LITAF: variants seen among roughly 807,000 people sequenced by gnomAD.
LITAF encodes lipopolysaccharide induced TNF factor.
LITAF carries 9 observed loss-of-function variants against 14.5 expected under a neutral mutation model. The observed-to-expected ratio is 0.62, with a 90% CI of 0.37 to 1.08. The LOEUF (loss-of-function observed/expected upper bound fraction) is 1.08, where lower values mean the gene tolerates loss of function less well. Ranked by LOEUF, LITAF falls within the 50% of genes least tolerant of loss-of-function variation. LITAF has a pLI of 0.01. For missense variants in LITAF, 206 were observed against 213.4 expected, an observed-to-expected ratio of 0.97 and a Z score of 0.22; for synonymous variants, 98 against 88.2, an observed-to-expected ratio of 1.11 and a Z score of -0.62.
intron 3 of LITAF, among the ~76,000 whole-genome samples, chr16:11,608,958 C>CA (rs974742837): frequency 5.3e-4 from 62 of 117,612 alleles, no homozygotes; most frequent in East Asian, 5.4e-4. Flanking sequence ...CACACACACA[C>CA]AAAAAAAACA....
intron 1 of LITAF, among the ~76,000 whole-genome samples, chr16:11,573,710 T>A (rs1354697738): frequency 2.0e-5 from 3 of 149,950 alleles, no homozygotes; most frequent in Non-Finnish European, 4.5e-5. Context: ...CCTTTTTTTT[T>A]TTTTTTTTTT....
In LITAF at chr16:11,547,788, G is replaced by A. The variant is rs1436156598; in HGVS notation, c.*1849C>T. 2.2e-6 allele frequency: 1 copy of A among 453,996 alleles called. No homozygotes were observed. Among genetic ancestry groups the A allele is most frequent in the Non-Finnish European group, 4.4e-6 (1 of 226,806 alleles). The allele number at this position is 453,996 out of a possible 1,614,324, so 28.1% of individuals were successfully genotyped here. A position where few individuals can be genotyped will look rare whatever the true frequency, so the allele number is the denominator to read the frequency against. The stretch of plus-strand genomic sequence containing the variant: ...TGCCGCCATCAATGACGCCTATTGG[G>A]TTCCAATAGCCTCATGTTCAAATCT... On this transcript the variant is annotated 3_prime_UTR_variant, in exon 4 of 4. Coordinates refer to ENST00000622633, the MANE Select transcript of LITAF (RefSeq NM_001136472.2).
At chr16:11,603,126 T>C (rs925609102), upstream of LITAF, among the ~76,000 whole-genome samples, 1 of 151,982 alleles carries the variant, frequency 6.6e-6, no homozygotes, top group Non-Finnish European at 1.5e-5. Flanking sequence ...CATTTAAAAA[T>C]AAAAGGAAGA....
chr16:11,624,096 G>A (rs1253064604), intron 3 of LITAF, among the ~76,000 whole-genome samples: 1 of 152,130 alleles, frequency 6.6e-6, no homozygotes, highest in Non-Finnish European at 1.5e-5. Context: ...ACCAGCCTGG[G>A]CAACATAGTA....
upstream of LITAF, chr16:11,636,423 G>A (rs2065138614): frequency 6.6e-6 from 1 of 152,274 alleles, no homozygotes; most frequent in Non-Finnish European, 1.5e-5. Context: ...AGCTTGAGAA[G>A]GCGGAGTCTG....
upstream of LITAF, among the ~76,000 whole-genome samples, chr16:11,637,913 T>A (rs1471741144): frequency 9.2e-3 from 391 of 42,374 alleles, 79 homozygotes; most frequent in African/African-American, 0.045. Context: ...TATATATATA[T>A]CTATATCTAT....
At chr16:11,596,848 G>A (rs1197410542) in intron 1 of LITAF, among the ~76,000 whole-genome samples, 1 of 151,604 alleles carries the variant, frequency 6.6e-6, no homozygotes, top group Non-Finnish European at 1.5e-5. Flanking sequence ...TGGGGAGGAG[G>A]AAGACAGTGA....
chr16:11,581,286 G>C (rs935361063), intron 1 of LITAF, among the ~76,000 whole-genome samples: 10 of 152,184 alleles, frequency 6.6e-5, no homozygotes, highest in Non-Finnish European at 8.8e-5. Flanking sequence ...CCAAGAGTAA[G>C]AAAAACTATA....
At chr16:11,576,554 A>AAAAAAAGAC (rs1555469756) in intron 1 of LITAF, among the ~76,000 whole-genome samples, 10,003 of 115,720 alleles carry the variant, frequency 0.086, 787 homozygotes, top group South Asian at 0.13. Context: ...AAAAAAAAAA[A>AAAAAAAGAC]AGAGAGAGAG....
At chr16:11,560,554 G>C (rs1478597206) in intron 1 of LITAF, among the ~76,000 whole-genome samples, 1 of 150,216 alleles carries the variant, frequency 6.7e-6, no homozygotes, top group Non-Finnish European at 1.5e-5. Flanking sequence ...CTGCACTCCA[G>C]CCTGGGCCAC....
chr16:11,585,353 G>A (rs1293605670), intron 1 of LITAF, among the ~76,000 whole-genome samples: 1 of 152,048 alleles, frequency 6.6e-6, no homozygotes, highest in Non-Finnish European at 1.5e-5. Flanking sequence ...AATTATTCAT[G>A]CCTTAAAGTA....
At chr16:11,603,666 C>G (rs553461955) in intron 3 of LITAF, among the ~76,000 whole-genome samples, 2 of 152,192 alleles carry the variant, frequency 1.3e-5, no homozygotes, top group East Asian at 3.8e-4. Flanking sequence ...CATCCCAACC[C>G]GGCCACCTCA....
At chr16:11,556,995 T>C (rs2064280569) in intron 1 of LITAF, among the ~76,000 whole-genome samples, 1 of 151,988 alleles carries the variant, frequency 6.6e-6, no homozygotes, top group South Asian at 2.1e-4. Context: ...GGTCATTTCT[T>C]CTTCACATCT....
upstream of LITAF, among the ~76,000 whole-genome samples, chr16:11,637,443 C>T (rs1382622306): frequency 6.6e-6 from 1 of 152,240 alleles, no homozygotes; most frequent in Non-Finnish European, 1.5e-5. Context: ...TCTTCTTCTG[C>T]TTACATCAGC....
intron 1 of LITAF, 47 bp from the exon 2 acceptor site, chr16:11,556,782 T>C: frequency 6.8e-7 from 1 of 1,475,246 alleles, no homozygotes; most frequent in South Asian, 1.1e-5. Context: ...AGTTGATCTC[T>C]CCCTCTCTTT....
intron 3 of LITAF, among the ~76,000 whole-genome samples, chr16:11,610,810 A>G (rs373948162): frequency 5.3e-5 from 8 of 152,286 alleles, no homozygotes; most frequent in African/African-American, 1.9e-4. Flanking sequence ...ATGTACCAGA[A>G]GGGGGACCAG....
chr16:11,630,794 C>T (rs2065113986), intron 3 of LITAF, among the ~76,000 whole-genome samples: 1 of 151,876 alleles, frequency 6.6e-6, no homozygotes. Flanking sequence ...GGTGGTCTCA[C>T]TATGTTGGCC....
At chr16:11,589,579 A>T (rs1384164096), upstream of LITAF, among the ~76,000 whole-genome samples, 1 of 152,110 alleles carries the variant, frequency 6.6e-6, no homozygotes, top group Admixed American at 6.6e-5. Context: ...CCAGTTCAGC[A>T]AAGTTGTGGG....
intron 3 of LITAF, among the ~76,000 whole-genome samples, chr16:11,552,900 G>A (rs1355186502): frequency 6.6e-6 from 1 of 152,070 alleles, no homozygotes; most frequent in Admixed American, 6.6e-5. Context: ...GACCACCTGA[G>A]GTCAGGAGTT....
Sources: gnomAD v4.1 joint callset for allele counts (sites outside exome capture counted in the v4.1 genomes callset) on GRCh38, gnomAD v4.1.1 for gene constraint, MANE v1.5 for transcripts, NCBI Gene and HGNC (gene_info 2026-07-23, HGNC 2026-07-21) for gene names.